UTRN: variants seen among roughly 807,000 people sequenced by gnomAD.
The protein encoded by UTRN is dystrophin-related protein 1.
A neutral mutation model predicts 463.9 loss-of-function variants in UTRN; 283 were observed. That is an observed-to-expected ratio of 0.61 (90% CI 0.55 to 0.67). The LOEUF (loss-of-function observed/expected upper bound fraction) is 0.67. Ranked by LOEUF, UTRN falls within the 30% of genes least tolerant of loss-of-function variation. The pLI is 0.00. For missense variants in UTRN, 3,922 were observed against 4,084.3 expected (o/e 0.96, Z 1.08); for synonymous variants, 1,442 against 1,431.5 (o/e 1.01, Z -0.17).
intron 59 of UTRN, among the ~76,000 whole-genome samples, chr6:144,772,993 T>C (rs905031199): frequency 3.3e-4 from 50 of 150,984 alleles, no homozygotes; most frequent in African/African-American, 1.1e-3. Context: ...TTTTTTTTGG[T>C]GGGTGAAGGG....
chr6:144,378,421 A>G (rs920002792), intron 2 of UTRN, among the ~76,000 whole-genome samples: 2 of 152,226 alleles, frequency 1.3e-5, no homozygotes, highest in Non-Finnish European at 2.9e-5. Context: ...TCAAATTAAG[A>G]TAAGTACTGG....
At chr6:144,624,469 A>C (rs1775749010) in intron 51 of UTRN, among the ~76,000 whole-genome samples, 1 of 152,180 alleles carries the variant, frequency 6.6e-6, no homozygotes, top group Admixed American at 6.5e-5. Context: ...GCAGAAGTAG[A>C]TGTGGGCAGT....
intron 61 of UTRN, among the ~76,000 whole-genome samples, chr6:144,784,367 C>G (rs1250575160): frequency 6.6e-6 from 1 of 152,174 alleles, no homozygotes; most frequent in Non-Finnish European, 1.5e-5. Context: ...TGGGTTGAGT[C>G]TTTATGGAAG....
At chr6:144,482,136 A>G in intron 26 of UTRN, 73 bp from the exon 27 acceptor site, 1 of 1,322,656 alleles carries the variant, frequency 7.6e-7, no homozygotes, top group Non-Finnish European at 9.9e-7. Flanking sequence ...TCTTGAAAAA[A>G]AAAGAAAGAA....
intron 20 of UTRN, 64 bp downstream of exon 20, chr6:144,459,075 T>G: frequency 6.4e-7 from 1 of 1,564,172 alleles, no homozygotes; most frequent in South Asian, 1.2e-5. Context: ...TAAGGAGGGC[T>G]TCTCGTATCA....
intron 50 of UTRN, among the ~76,000 whole-genome samples, chr6:144,571,570 T>C (rs1800940206): frequency 6.6e-6 from 1 of 152,170 alleles, no homozygotes; most frequent in Non-Finnish European, 1.5e-5. Context: ...GGTAAATACA[T>C]AGGAAGTTGC....
At position 144,493,352 on chromosome 6, in the gene UTRN, A is replaced by G; in HGVS notation, c.4489A>G (p.Lys1497Glu). 1.2e-6 allele frequency: 2 copies of G among 1,614,210 alleles called. No individual in the cohort carries two copies. The highest frequency in any genetic ancestry group is 1.7e-6 in the Non-Finnish European group (2 of 1,180,006). ...CAAACTTGAAGTGGAAACTGTGATT[A>G]AAACAGGAAGACATATTGTCCAGAA... ...EVKLEVETVI[K>E]TGRHIVQKQQ... is the part of the protein sequence containing the mutation. The change falls in exon 33 of 75, where the codon AAA becomes GAA. Residue 1497 changes from lysine to glutamate, a missense_variant. By Grantham distance (56) the Lys-to-Glu change is moderately conservative (BLOSUM62 1). Coordinates refer to ENST00000367545, the MANE Select transcript of UTRN (RefSeq NM_007124.3).
At chr6:144,471,033 C>T (rs1209521689) in intron 23 of UTRN, among the ~76,000 whole-genome samples, 6 of 70,002 alleles carry the variant, frequency 8.6e-5, no homozygotes, top group East Asian at 4.8e-4. Context: ...GAGAGGGAGA[C>T]GAGGGAGGGG....
intron 23 of UTRN, among the ~76,000 whole-genome samples, chr6:144,464,334 A>G (rs577788002): frequency 1.3e-5 from 2 of 152,032 alleles, no homozygotes; most frequent in Non-Finnish European, 2.9e-5. Context: ...TCAGCAGAAG[A>G]TACAGATGGA....
intron 58 of UTRN, among the ~76,000 whole-genome samples, chr6:144,765,932 G>A (rs892665656): frequency 2.0e-5 from 3 of 151,624 alleles, no homozygotes; most frequent in Non-Finnish European, 4.4e-5. Context: ...TTTCTCTTAA[G>A]TTAATTTTTG....
chr6:144,771,841 G>T, intron 58 of UTRN, 66 bp from the exon 59 acceptor site: 4 of 1,325,112 alleles, frequency 3.0e-6, no homozygotes, highest in Non-Finnish European at 4.2e-6. Context: ...TGGGTATTTC[G>T]TTTTTGGCCT....
At chr6:144,789,841 T>C (rs780429942) in intron 62 of UTRN, among the ~76,000 whole-genome samples, 2 of 152,226 alleles carry the variant, frequency 1.3e-5, no homozygotes, top group Non-Finnish European at 2.9e-5. Context: ...TTTATTATAT[T>C]TGGATTTATC....
chr6:144,748,607 G>C, intron 55 of UTRN, 93 bp downstream of exon 55: 1 of 1,483,478 alleles, frequency 6.7e-7, no homozygotes, highest in Non-Finnish European at 8.9e-7. Context: ...ATTGTTATAA[G>C]GGATTGTTAC....
At chr6:144,517,025 C>T (rs1336950130) in intron 39 of UTRN, 77 bp downstream of exon 39, 1 of 1,268,774 alleles carries the variant, frequency 7.9e-7, no homozygotes, top group East Asian at 2.8e-5. Flanking sequence ...GATGCTGCAT[C>T]ACAGATGCTT....
intron 3 of UTRN, among the ~76,000 whole-genome samples, chr6:144,404,587 T>C (rs1783220356): frequency 6.6e-6 from 1 of 152,168 alleles, no homozygotes; most frequent in Non-Finnish European, 1.5e-5. Flanking sequence ...AGTGAAGCAG[T>C]TTTTAGCAGC....
chr6:144,738,164 G>A (rs1156641720), intron 54 of UTRN, among the ~76,000 whole-genome samples: 3 of 152,132 alleles, frequency 2.0e-5, no homozygotes, highest in Non-Finnish European at 4.4e-5. Context: ...TCCTCTATCT[G>A]TGTTCACTGA....
chr6:144,821,808 A>G (rs1399150264), intron 66 of UTRN, among the ~76,000 whole-genome samples: 1 of 152,124 alleles, frequency 6.6e-6, no homozygotes, highest in Non-Finnish European at 1.5e-5. Flanking sequence ...TTGCTTTTTC[A>G]TATGTCAGGA....
At chr6:144,727,664 C>T (rs767451410) in intron 53 of UTRN, among the ~76,000 whole-genome samples, 13 of 152,128 alleles carry the variant, frequency 8.5e-5, no homozygotes, top group South Asian at 4.1e-4. Context: ...GAGGCTGAGG[C>T]GGGAGAATGG....
At chr6:144,451,291 A>C in intron 17 of UTRN, 79 bp from the exon 18 acceptor site, 2 of 1,525,962 alleles carry the variant, frequency 1.3e-6, no homozygotes, top group Non-Finnish European at 1.8e-6. Flanking sequence ...CCTGATGAGC[A>C]TTTGAGTTGC....
Sources: allele counts gnomAD v4.1 joint callset (sites outside exome capture counted in the v4.1 genomes callset), GRCh38; gene constraint gnomAD v4.1.1; transcripts MANE v1.5; gene names NCBI Gene and HGNC (gene_info 2026-07-23, HGNC 2026-07-21).